COA8: variants seen among roughly 807,000 people sequenced by gnomAD.
COA8 encodes cytochrome c oxidase assembly factor 8.
COA8 carries 20 observed loss-of-function variants against 22.0 expected under a neutral mutation model. That is an observed-to-expected ratio of 0.91 (90% confidence interval 0.64 to 1.32). The LOEUF (loss-of-function observed/expected upper bound fraction) is 1.32, where lower values mean the gene tolerates loss of function less well. Among genes scored for constraint, COA8 ranks in the 40% most tolerant of loss-of-function variants. COA8 has a pLI of 0.00. For missense variants in COA8, 266 were observed against 230.0 expected (o/e 1.16, Z -1.01); for synonymous variants, 105 against 79.9 (o/e 1.31, Z -1.68).
intron 1 of COA8, among the ~76,000 whole-genome samples, chr14:103,570,954 G>A (rs565861794): frequency 7.2e-5 from 11 of 152,278 alleles, no homozygotes; most frequent in African/African-American, 2.6e-4. Context: ...GCTTCTGGGC[G>A]GGTCCAGGAG....
chr14:103,563,467 T>G, intron 1 of COA8: 1 of 350,620 alleles, frequency 2.9e-6, no homozygotes. Flanking sequence ...TTTTTTTCGT[T>G]GTGTGTGTGT....
chr14:103,563,289 A>G (rs1464416268), intron 1 of COA8, 165 bp downstream of exon 1: 6 of 939,228 alleles, frequency 6.4e-6, no homozygotes, highest in Non-Finnish European at 1.0e-5. Flanking sequence ...TCCCGCATCA[A>G]CGCCCTCAGT....
intron 4 of COA8, 144 bp downstream of exon 4, chr14:103,587,508 CTTTTTT>C: frequency 3.2e-5 from 10 of 308,132 alleles, no homozygotes; most frequent in East Asian, 5.6e-5. Context: ...TTCTTTTTTT[CTTTTTT>C]TTTTTTTTTT....
At chr14:103,565,781 A>G (rs1248738137) in intron 1 of COA8, among the ~76,000 whole-genome samples, 1 of 151,674 alleles carries the variant, frequency 6.6e-6, no homozygotes, top group African/African-American at 2.4e-5. Context: ...ATGCCCGGCT[A>G]ATTTTTGTAT....
intron 3 of COA8, among the ~76,000 whole-genome samples, chr14:103,579,643 C>G (rs2076252591): frequency 6.6e-6 from 1 of 151,596 alleles, no homozygotes; most frequent in Non-Finnish European, 1.5e-5. Flanking sequence ...GCCACCGCGC[C>G]CGGCCAAAAA....
chr14:103,576,554 C>T (rs913886071), intron 3 of COA8, among the ~76,000 whole-genome samples: 43 of 152,188 alleles, frequency 2.8e-4, no homozygotes, highest in African/African-American at 7.7e-4. Context: ...TGGCTCAGTA[C>T]CCAGAGGCGG....
chr14:103,579,792 G>A (rs561279725), intron 3 of COA8, among the ~76,000 whole-genome samples: 22 of 151,300 alleles, frequency 1.5e-4, no homozygotes, highest in East Asian at 4.0e-4. Context: ...GTGAAATCCC[G>A]TCTATACTAA....
chr14:103,578,914 A>G (rs2076247857), intron 3 of COA8, among the ~76,000 whole-genome samples: 1 of 152,218 alleles, frequency 6.6e-6, no homozygotes, highest in Admixed American at 6.5e-5. Context: ...GACGGAGTGT[A>G]GCTTCATGAG....
In COA8 at chr14:103,563,013, G is replaced by T; in HGVS notation, c.12G>T (p.Leu4Phe). Residue 4 changes from leucine (L) to phenylalanine (F), a missense_variant, in exon 1 of 5, where the codon TTG becomes TTT. Coordinates refer to ENST00000409074, the MANE Select transcript of COA8 (RefSeq NM_001370595.2). The part of the protein sequence containing the change: MVV[L>F]RAGKKTFLPP... Reference sequence around the variant, plus strand: ...GGGGGCGTGGGGCCATGGTGGTCTTGCGGGCGGGGAAGAAGACCTTTCTCC... The same window carrying T: ...GGGGGCGTGGGGCCATGGTGGTCTTTCGGGCGGGGAAGAAGACCTTTCTCC... 1 of 1,558,198 alleles carries T rather than the reference G, an allele frequency of 6.4e-7. No homozygotes were observed. Among genetic ancestry groups the T allele is most frequent in the South Asian group, 1.2e-5 (1 of 86,408 alleles).
At chr14:103,565,491 ACT>A (rs1328355401) in intron 1 of COA8, among the ~76,000 whole-genome samples, 5 of 150,174 alleles carry the variant, frequency 3.3e-5, no homozygotes, top group African/African-American at 1.2e-4. Context: ...AATTAGTCTG[ACT>A]CTTTTAGTTC....
At chr14:103,576,881 C>T (rs905637413) in intron 3 of COA8, among the ~76,000 whole-genome samples, 1 of 152,090 alleles carries the variant, frequency 6.6e-6, no homozygotes, top group African/African-American at 2.4e-5. Context: ...GGCAAAGGAT[C>T]AGAGGGCTGG....
chr14:103,567,726 C>G (rs896305892), intron 1 of COA8, among the ~76,000 whole-genome samples: 1 of 152,100 alleles, frequency 6.6e-6, no homozygotes, highest in Non-Finnish European at 1.5e-5. Context: ...CATCTTTAGA[C>G]AATACTGAGG....
rs57741003 is a variant in COA8 at position 103,568,621 on chromosome 14, G to GTATATATATATATA, written c.124-2989_124-2976dup. Among the ~76,000 whole-genome samples, 102 of 141,856 alleles carry GTATATATATATATA rather than the reference G, an allele frequency of 7.2e-4. 1 individual carries two copies. The highest frequency in any genetic ancestry group is 2.6e-3 in the African/African-American group (97 of 37,466). 93.1% of individuals were successfully genotyped at this position (141,856 alleles called of 152,430 possible). A position where few individuals can be genotyped will look rare whatever the true frequency, so the allele number is the denominator to read the frequency against. On this transcript the variant is annotated intron_variant, in intron 1 of 4. Coordinates refer to ENST00000409074, the MANE Select transcript of COA8 (RefSeq NM_001370595.2). ...TATACGTATATATATATGTGTGTGTGTATATATATATATATATATATATAT... is the reference window on the plus strand; with the variant it reads ...TATACGTATATATATATGTGTGTGTGTATATATATATATATATATATATATATATATATATATAT...
chr14:103,568,349 C>G (rs1306699902), intron 1 of COA8, among the ~76,000 whole-genome samples: 1 of 152,076 alleles, frequency 6.6e-6, no homozygotes, highest in African/African-American at 2.4e-5. Flanking sequence ...GAGAGGCAGG[C>G]CTGGCCTGCA....
intron 2 of COA8, 70 bp from the exon 3 acceptor site, chr14:103,574,037 C>G: frequency 2.7e-6 from 4 of 1,478,904 alleles, no homozygotes; most frequent in Non-Finnish European, 3.6e-6. Flanking sequence ...TGTGCTCTAG[C>G]CAAAGAAAAA....
chr14:103,584,646 T>G (rs1291931412), intron 3 of COA8, among the ~76,000 whole-genome samples: 1 of 152,208 alleles, frequency 6.6e-6, no homozygotes, highest in Non-Finnish European at 1.5e-5. Context: ...ACCAGCAATG[T>G]ATGAGAGTTC....
At chr14:103,565,356 T>C (rs952985323) in intron 1 of COA8, among the ~76,000 whole-genome samples, 3 of 152,202 alleles carry the variant, frequency 2.0e-5, no homozygotes, top group African/African-American at 7.2e-5. Flanking sequence ...TTCAGAAATA[T>C]AACTGCTTTT....
chr14:103,566,144 G>A (rs1292030843), intron 1 of COA8, among the ~76,000 whole-genome samples: 3 of 151,986 alleles, frequency 2.0e-5, no homozygotes, highest in East Asian at 1.9e-4. Flanking sequence ...AGAGTGATCC[G>A]GCCAGGCATG....
At chr14:103,580,345 G>A (rs1450618568) in intron 3 of COA8, among the ~76,000 whole-genome samples, 1 of 152,022 alleles carries the variant, frequency 6.6e-6, no homozygotes, top group African/African-American at 2.4e-5. Context: ...GTATCAATCT[G>A]TCACCCAGGC....
Sources: gnomAD v4.1 joint callset for allele counts (sites outside exome capture counted in the v4.1 genomes callset) on GRCh38, gnomAD v4.1.1 for gene constraint, MANE v1.5 for transcripts, NCBI Gene and HGNC (gene_info 2026-07-23, HGNC 2026-07-21) for gene names.